The following AHCTF1 variants were observed in gnomAD, a reference collection of about 807,000 sequenced individuals.
The protein encoded by AHCTF1 is AT-hook containing transcription factor 1, also known as protein ELYS.
AHCTF1 carries 24 observed loss-of-function variants against 248.4 expected under a neutral mutation model. The ratio of observed to expected loss-of-function variants is 0.10; its 90% CI spans 0.07 to 0.14. The LOEUF is 0.14. Among genes scored for constraint, AHCTF1 ranks in the 10% least tolerant of loss-of-function variants. The pLI is 1.00. For synonymous variants in AHCTF1, 786 were observed against 929.8 expected (o/e 0.85, Z 2.81); for missense variants, 2,206 against 2,636.2 (o/e 0.84, Z 3.57).
At chr1:246,861,351 G>A (rs1661536539) in intron 28 of AHCTF1, 56 bp from the exon 29 acceptor site, 8 of 1,433,980 alleles carry the variant, frequency 5.6e-6, no homozygotes, top group Non-Finnish European at 7.5e-6. Context: ...GTTAAGTCTA[G>A]TCCTAAGCTA....
In AHCTF1 at chr1:246,839,296, A is replaced by G. The variant is rs1659671263; in HGVS notation, c.*1510T>C. ...TATATTCACCAAATTGCGTTGGTTT[A>G]AAAAAGTATTAACTTGACATACGTT... On this transcript the variant is annotated 3_prime_UTR_variant, in exon 36 of 36. Transcript: ENST00000648844. 1 of 154,678 alleles carries G rather than the reference A, an allele frequency of 6.5e-6. No individual in the cohort carries two copies. Among genetic ancestry groups the G allele is most frequent in the African/African-American group, 2.4e-5 (1 of 41,508 alleles). The allele number at this position is 154,678 out of a possible 1,614,324, so 9.6% of individuals were successfully genotyped here.
chr1:246,874,454 C>T lies in AHCTF1; in HGVS notation c.3088+1583G>A, dbSNP rs571541144. 9.2e-5 allele frequency among the ~76,000 whole-genome samples: 14 copies of T among 152,260 alleles called. No homozygotes were observed. In the East Asian group the frequency reaches 2.7e-3, roughly 29 times the overall value. On this transcript the variant is annotated intron_variant, in intron 24 of 35. Coordinates refer to ENST00000648844, the MANE Select transcript of AHCTF1 (RefSeq NM_001323342.2). ...TATCTGTCCCATAAAAGGAAGGGAA[C>T]AGCTAGCTGGGGGAGCACTTACCCA...
At chr1:246,928,579 A>C (rs1667115508) in intron 1 of AHCTF1, among the ~76,000 whole-genome samples, 1 of 152,152 alleles carries the variant, frequency 6.6e-6, no homozygotes, top group Non-Finnish European at 1.5e-5. Flanking sequence ...TTAAGTATAC[A>C]CTGGTTCAGT....
At position 246,877,266 on chromosome 1, in the gene AHCTF1, A is replaced by G. The variant is rs768105437; in HGVS notation, c.2697T>C (p.His899=). ...ACTCCTCTATATTCAACCTATTGCAATGTTGCCGCAAAAAATTCCAGGCTT... is the reference window on the plus strand; with the variant it reads ...ACTCCTCTATATTCAACCTATTGCAGTGTTGCCGCAAAAAATTCCAGGCTT... ...MVEAWNFLRQ[H]CNRLNIEELL... is the part of the protein sequence containing the mutation. The change falls in exon 22 of 36, where the codon CAT becomes CAC. Residue 899 remains histidine (H), a synonymous_variant. Coordinates refer to ENST00000648844, the MANE Select transcript of AHCTF1 (RefSeq NM_001323342.2). 1.2e-5 allele frequency: 19 copies of G among 1,604,948 alleles called. No individual in the cohort carries two copies. The Admixed American group carries it at 2.8e-4, about 23-fold the overall frequency.
Position 246,916,229 on chromosome 1 carries a change from T to C in AHCTF1, c.288A>G (p.Ile96Met). 6.2e-7 allele frequency: 1 copy of C among 1,607,970 alleles called. No homozygotes were observed. The highest frequency in any genetic ancestry group is 8.5e-7 in the Non-Finnish European group (1 of 1,175,258). The change falls in exon 3 of 36, where the codon ATA becomes ATG. Residue 96 changes from isoleucine to methionine, a missense_variant. Around this residue, in one of 6 missense-constraint regions of AHCTF1, gnomAD observed 34 missense variants for 97.2 expected, o/e 0.35. Transcript: ENST00000648844. ...CACTCCCTTCTGTTTCTTCCAATCC[T>C]ATTAATAATCCAGTTCTCTTCTGCC... ...FSWQKRTGLL[I>M]GLEETEGSVL...
At chr1:246,890,395 A>G (rs144301715) in intron 16 of AHCTF1, among the ~76,000 whole-genome samples, 3 of 152,334 alleles carry the variant, frequency 2.0e-5, no homozygotes, top group African/African-American at 7.2e-5. Context: ...AAATAAGATC[A>G]ACAATTATGT....
intron 31 of AHCTF1, among the ~76,000 whole-genome samples, chr1:246,854,907 T>C (rs763738233): frequency 6.6e-6 from 1 of 152,126 alleles, no homozygotes; most frequent in Admixed American, 6.5e-5. Context: ...AAACAAAAAT[T>C]CAGGAAAGAC....
chr1:246,875,936 T>C, intron 24 of AHCTF1, 101 bp downstream of exon 24: 2 of 1,107,544 alleles, frequency 1.8e-6, no homozygotes, highest in Non-Finnish European at 2.5e-6. Context: ...TGCCTGTATG[T>C]GTTAGCGAAA....
rs1446400285 is a variant in AHCTF1, at chr1:246,903,987, T to G, written c.928A>C (p.Asn310His). The G allele has an allele frequency of 1.2e-6, 2 of 1,614,004 alleles. No homozygotes were observed. The highest frequency in any genetic ancestry group is 2.7e-5 in the African/African-American group (2 of 74,898). Reference sequence around the variant, plus strand: ...TGTCCTGATGCCAAACACTTTCTATTACCAAAGGCCAGCTGCAGCAGATGC... The same window carrying G: ...TGTCCTGATGCCAAACACTTTCTATGACCAAAGGCCAGCTGCAGCAGATGC... ...SLHLLQLAFG[N>H]RKCLASGQIL... Residue 310 changes from asparagine to histidine, a missense_variant, in exon 7 of 36, where the codon AAT (asparagine) becomes CAT (histidine). By Grantham distance (68) the Asn-to-His change is moderately conservative (BLOSUM62 1). Transcript: ENST00000648844.
chr1:246,889,365 A>T lies in AHCTF1; in HGVS notation c.2144+601T>A, dbSNP rs866085311. On this transcript the variant is annotated intron_variant, in intron 17 of 35. Transcript: ENST00000648844. Reference sequence around the variant, plus strand: ...TCCAATGAGCCAGGCACTGCACTAGATGTCCTGCACATACTATTTTATTTA... The same window carrying T: ...TCCAATGAGCCAGGCACTGCACTAGTTGTCCTGCACATACTATTTTATTTA... Among the ~76,000 whole-genome samples the T allele has an allele frequency of 4.6e-5, 7 of 152,296 alleles. No homozygotes were observed. In the South Asian group the frequency reaches 1.2e-3, roughly 27 times the overall value.
chr1:246,909,394 CAAAAAAAAAA>C (rs55998210), intron 4 of AHCTF1, among the ~76,000 whole-genome samples: 10 of 62,382 alleles, frequency 1.6e-4, no homozygotes, highest in South Asian at 1.3e-3. Context: ...TCCAGCCTCT[CAAAAAAAAAA>C]AAAAAAAAAA....
rs543098808 is a variant in AHCTF1 at position 246,840,179 on chromosome 1, T to G, written c.*627A>C. ...TGACTAATTAAGACTTTAAAGAGCC[T>G]TTAAGCTTGCCGAATAAGAGATGCC... On this transcript the variant is annotated 3_prime_UTR_variant, in exon 36 of 36. Coordinates refer to ENST00000648844, the MANE Select transcript of AHCTF1 (RefSeq NM_001323342.2). The G allele has an allele frequency of 2.0e-4, 30 of 152,644 alleles. No homozygotes were observed. The highest frequency in any genetic ancestry group is 4.0e-4 in the Non-Finnish European group (27 of 68,048). 9.5% of individuals were successfully genotyped at this position (152,644 alleles called of 1,614,324 possible).
At chr1:246,870,381 C>T (rs937932804) in intron 24 of AHCTF1, among the ~76,000 whole-genome samples, 1 of 152,088 alleles carries the variant, frequency 6.6e-6, no homozygotes, top group Non-Finnish European at 1.5e-5. Context: ...TATGATTATA[C>T]CACTGTACTA....
intron 24 of AHCTF1, among the ~76,000 whole-genome samples, chr1:246,872,612 A>C (rs1240304764): frequency 6.6e-6 from 1 of 152,192 alleles, no homozygotes. Context: ...TCATCTAAAA[A>C]GGTCAAGCAT....
chr1:246,849,443 G>A lies in AHCTF1; in HGVS notation c.6391+172C>T, dbSNP rs1342051760. Among the ~76,000 whole-genome samples the A allele has an allele frequency of 3.9e-5, 6 of 152,254 alleles. No homozygotes were observed. In the South Asian group the frequency reaches 1.0e-3, roughly 26 times the overall value. ...GTCATGTTAACCATACTGAATAACT[G>A]AACTCAAACTTTGAAACATGAAACC... On this transcript the variant is annotated intron_variant, in intron 33 of 35. Transcript: ENST00000648844.
At chr1:246,847,480 A>C (rs574435293) in intron 33 of AHCTF1, among the ~76,000 whole-genome samples, 1 of 152,198 alleles carries the variant, frequency 6.6e-6, no homozygotes, top group East Asian at 1.9e-4. Flanking sequence ...TCTATTTTAG[A>C]GTTTTCAGTA....
chr1:246,856,789 GTGAT>G (rs1193284336), intron 30 of AHCTF1, among the ~76,000 whole-genome samples: 1 of 152,208 alleles, frequency 6.6e-6, no homozygotes, highest in Non-Finnish European at 1.5e-5. Flanking sequence ...CGTAAAGCAT[GTGAT>G]TTAGTTCAAG....
chr1:246,870,009 G>A (rs1662461322), intron 24 of AHCTF1, among the ~76,000 whole-genome samples: 2 of 152,214 alleles, frequency 1.3e-5, no homozygotes, highest in Non-Finnish European at 2.9e-5. Flanking sequence ...CATAATTCCT[G>A]GGAGGAGTCA....
intron 33 of AHCTF1, among the ~76,000 whole-genome samples, chr1:246,848,697 C>T (rs904859941): frequency 2.9e-5 from 4 of 139,080 alleles, no homozygotes; most frequent in African/African-American, 5.3e-5. Flanking sequence ...GAAATGCTGT[C>T]TCTACAAATA....
Sources: gnomAD v4.1 joint callset for allele counts (sites outside exome capture counted in the v4.1 genomes callset) on GRCh38, gnomAD v4.1.1 for gene constraint, gnomAD v4.1.1 regional missense constraint, MANE v1.5 for transcripts, NCBI Gene and HGNC (gene_info 2026-07-23, HGNC 2026-07-21) for gene names.